Variants in ARHGAP26 observed in about 807,000 individuals in gnomAD.
ARHGAP26 encodes the protein rho GTPase-activating protein 26.
In ARHGAP26, 38 loss-of-function variants were observed where a neutral mutation model predicts 104.8. The observed-to-expected ratio is 0.36, with a 90% CI of 0.28 to 0.48. The LOEUF (loss-of-function observed/expected upper bound fraction) is 0.48. Among genes scored for constraint, ARHGAP26 ranks in the 20% least tolerant of loss-of-function variants. The probability of loss-of-function intolerance (pLI) is 0.99; values close to 1 mark genes in which losing one functional copy is unlikely to be tolerated. For synonymous variants in ARHGAP26, 341 were observed against 340.0 expected, an observed-to-expected ratio of 1.00 and a Z score of -0.03; for missense variants, 704 against 947.9, an observed-to-expected ratio of 0.74 and a Z score of 3.38.
rs113080032 is a variant in ARHGAP26, at chr5:143,123,275, C to T, written c.1698+2128C>T. Among the ~76,000 whole-genome samples the T allele has an allele frequency of 7.2e-3, 1,098 of 152,320 alleles. 17 individuals carry two copies. Among genetic ancestry groups the T allele is most frequent in the African/African-American group, 0.025 (1,050 of 41,576 alleles). ...CATCCTTCATATTCATAGGGTTTGT[C>T]GTCTTTGTGAGAGCAATTGGAATAA... On this transcript the variant is annotated intron_variant, in intron 18 of 22. Transcript: ENST00000645722.
Position 142,899,697 on chromosome 5 carries a change from A to G in ARHGAP26, c.598-2238A>G, listed in dbSNP as rs375203434. ...TCATTTCCCACTTTGTAATACTTCA[A>G]AGGTTCATATAGTGTTGGGGGTGGG... On this transcript the variant is annotated intron_variant, in intron 6 of 22. Transcript: ENST00000645722. Among the ~76,000 whole-genome samples, 7 of 151,980 alleles carry G rather than the reference A, an allele frequency of 4.6e-5. No homozygotes were observed. In the East Asian group the frequency reaches 1.2e-3, roughly 25 times the overall value.
At chr5:142,854,517 TA>T in intron 1 of ARHGAP26, among the ~76,000 whole-genome samples, 1 of 152,312 alleles carries the variant, frequency 6.6e-6, no homozygotes, top group East Asian at 1.9e-4. Flanking sequence ...AATGAAGAGT[TA>T]AAGGATGAAT....
At chr5:142,995,818 A>G (rs1057342862) in intron 11 of ARHGAP26, among the ~76,000 whole-genome samples, 3 of 152,218 alleles carry the variant, frequency 2.0e-5, no homozygotes, top group African/African-American at 7.2e-5. Context: ...TACACCATGG[A>G]ATACTATGCA....
chr5:142,833,875 C>T (rs1769017802), intron 1 of ARHGAP26, among the ~76,000 whole-genome samples: 1 of 152,166 alleles, frequency 6.6e-6, no homozygotes, highest in Non-Finnish European at 1.5e-5. Flanking sequence ...TTTCAAACTA[C>T]CACTTGGAAA....
chr5:143,093,089 T>C (rs1791705392), intron 17 of ARHGAP26, among the ~76,000 whole-genome samples: 1 of 152,224 alleles, frequency 6.6e-6, no homozygotes, highest in Admixed American at 6.5e-5. Context: ...TAAATCATCT[T>C]TTTCTAACAG....
chr5:142,835,024 C>T (rs1429531980), intron 1 of ARHGAP26, among the ~76,000 whole-genome samples: 1 of 152,144 alleles, frequency 6.6e-6, no homozygotes, highest in Non-Finnish European at 1.5e-5. Context: ...TTGACAGAGC[C>T]AGGATGCCTG....
chr5:143,026,720 G>C (rs1459965996), intron 12 of ARHGAP26, among the ~76,000 whole-genome samples: 1 of 148,824 alleles, frequency 6.7e-6, no homozygotes, highest in Non-Finnish European at 1.5e-5. Context: ...GGAGAGTTGT[G>C]ATCAGGTGCA....
chr5:142,775,154 G>A (rs538856862), intron 1 of ARHGAP26, among the ~76,000 whole-genome samples: 38 of 152,042 alleles, frequency 2.5e-4, no homozygotes, highest in Middle Eastern at 3.4e-3. Context: ...AAAATAGTAC[G>A]TGTAGTTTTT....
chr5:142,994,070 G>A (rs893137327), intron 11 of ARHGAP26, among the ~76,000 whole-genome samples: 1 of 152,218 alleles, frequency 6.6e-6, no homozygotes, highest in African/African-American at 2.4e-5. Flanking sequence ...TATGTGCAAG[G>A]CCCTCTGGTC....
intron 11 of ARHGAP26, among the ~76,000 whole-genome samples, chr5:143,011,799 C>T (rs954835058): frequency 1.3e-5 from 2 of 152,194 alleles, no homozygotes; most frequent in Non-Finnish European, 2.9e-5. Context: ...AATTACACAA[C>T]CTCTATGTCA....
rs770211741 is a variant in ARHGAP26, at chr5:143,056,082, A to T, written c.1428A>T (p.Ala476=). The part of the protein sequence containing the change: ...MYQFQRSFIK[A]AKLENQESRV... ...AGTTTCAAAGAAGTTTCATCAAAGC[A>T]GCAAGTAAGTCTTTTTTGTCTCAGT... The change falls in exon 16 of 23, where the codon GCA becomes GCT. Residue 476 remains alanine (A), a synonymous_variant. Transcript: ENST00000645722. The T allele has an allele frequency of 3.1e-6, 5 of 1,612,906 alleles. No homozygotes were observed. The highest frequency in any genetic ancestry group is 4.2e-6 in the Non-Finnish European group (5 of 1,179,202).
chr5:143,086,124 C>A (rs1305185196), intron 17 of ARHGAP26, among the ~76,000 whole-genome samples: 2 of 152,078 alleles, frequency 1.3e-5, no homozygotes, highest in East Asian at 1.9e-4. Context: ...TTGATCAGAT[C>A]TTGTCATCAG....
intron 10 of ARHGAP26, among the ~76,000 whole-genome samples, chr5:142,914,891 T>C (rs1196052990): frequency 6.6e-6 from 1 of 152,222 alleles, no homozygotes; most frequent in Non-Finnish European, 1.5e-5. Flanking sequence ...TCAGAAGATC[T>C]GTTTGCATGG....
At chr5:142,844,058 T>G (rs1771375531) in intron 1 of ARHGAP26, among the ~76,000 whole-genome samples, 2 of 151,484 alleles carry the variant, frequency 1.3e-5, no homozygotes, top group Non-Finnish European at 2.9e-5. Flanking sequence ...TGAGTTTTTT[T>G]TTTTTTTTTT....
At chr5:142,959,441 C>G (rs889634498) in intron 11 of ARHGAP26, among the ~76,000 whole-genome samples, 1 of 152,186 alleles carries the variant, frequency 6.6e-6, no homozygotes, top group African/African-American at 2.4e-5. Flanking sequence ...TTCACCTGGA[C>G]TTGGGGCCCT....
intron 1 of ARHGAP26, among the ~76,000 whole-genome samples, chr5:142,811,469 G>A (rs148650832): frequency 6.6e-6 from 1 of 152,152 alleles, no homozygotes. Context: ...TCCAATCCTG[G>A]CCTGTCCGTC....
intron 21 of ARHGAP26, among the ~76,000 whole-genome samples, chr5:143,208,480 A>G (rs1192904632): frequency 6.6e-6 from 1 of 152,262 alleles, no homozygotes; most frequent in African/African-American, 2.4e-5. Flanking sequence ...ATACAGATAC[A>G]TATATTACTT....
At chr5:143,034,187 G>T (rs1782290743) in intron 12 of ARHGAP26, among the ~76,000 whole-genome samples, 1 of 152,146 alleles carries the variant, frequency 6.6e-6, no homozygotes, top group Admixed American at 6.6e-5. Flanking sequence ...AAACAGTTTG[G>T]CAATTCCTCA....
intron 17 of ARHGAP26, among the ~76,000 whole-genome samples, chr5:143,076,082 C>G (rs1209864994): frequency 6.6e-6 from 1 of 151,940 alleles, no homozygotes; most frequent in Non-Finnish European, 1.5e-5. Flanking sequence ...TTGCTGCAGC[C>G]TGGACCTCCT....
Sources: allele counts gnomAD v4.1 joint callset (sites outside exome capture counted in the v4.1 genomes callset), GRCh38; gene constraint gnomAD v4.1.1; transcripts MANE v1.5; gene names NCBI Gene and HGNC (gene_info 2026-07-23, HGNC 2026-07-21).